The following DDA1 variants were observed in gnomAD, a reference collection of about 807,000 sequenced individuals.
DDA1 encodes the protein DET1- and DDB1-associated protein 1.
A neutral mutation model predicts 18.6 loss-of-function variants in DDA1; 3 were observed. The observed-to-expected ratio is 0.16, with a 90% CI of 0.07 to 0.42. The LOEUF (loss-of-function observed/expected upper bound fraction) is 0.42, where lower values mean the gene tolerates loss of function less well. DDA1 is among the 10% of genes least tolerant of loss of function. The probability of loss-of-function intolerance (pLI) is 0.99; values close to 1 mark genes in which losing one functional copy is unlikely to be tolerated. For synonymous variants in DDA1, 52 were observed against 54.0 expected (o/e 0.96, Z 0.17); for missense variants, 105 against 138.2 (o/e 0.76, Z 1.20).
rs1329037461 is a variant in DDA1 at position 17,315,292 on chromosome 19, A to ACACACACGTG, written c.137-642_137-641insCACACACGTG. Among the ~76,000 whole-genome samples the ACACACACGTG allele has an allele frequency of 1.1e-4, 5 of 43,956 alleles. 1 individual carries two copies. Among genetic ancestry groups the ACACACACGTG allele is most frequent in the African/African-American group, 4.0e-4 (3 of 7,474 alleles). 28.8% of individuals were successfully genotyped at this position (43,956 alleles called of 152,430 possible). A position where few individuals can be genotyped will look rare whatever the true frequency, so the allele number is the denominator to read the frequency against. ...ACACGTGTATATACACACACTATAT[A>ACACACACGTG]TATACACACGTGTATATATATACAC... is the stretch of plus-strand genomic sequence containing the variant. On this transcript the variant is annotated intron_variant, in intron 3 of 4. Transcript: ENST00000359866.
intron 3 of DDA1, among the ~76,000 whole-genome samples, chr19:17,315,174 C>CACACACGTGTATACACACACGTGTAT (rs1568353647): frequency 2.1e-5 from 1 of 47,212 alleles, no homozygotes; most frequent in Admixed American, 1.4e-4. Flanking sequence ...CGTGTATATA[C>CACACACGTGTATACACACACGTGTAT]ACACACGTGT....
At position 17,319,908 on chromosome 19, in the gene DDA1, A is replaced by G; in HGVS notation, c.*252A>G. 1 of 418,336 alleles carries G rather than the reference A, an allele frequency of 2.4e-6. No individual in the cohort carries two copies. The highest frequency in any genetic ancestry group is 4.3e-6 in the Non-Finnish European group (1 of 232,696). The allele number at this position is 418,336 out of a possible 1,614,324, so 25.9% of individuals were successfully genotyped here. A position where few individuals can be genotyped will look rare whatever the true frequency, so the allele number is the denominator to read the frequency against. On this transcript the variant is annotated 3_prime_UTR_variant, in exon 5 of 5. Coordinates refer to ENST00000359866, the MANE Select transcript of DDA1 (RefSeq NM_024050.6). The stretch of plus-strand genomic sequence containing the variant: ...AGTGTGATGTTGGTAGATGCTTTTT[A>G]AAAAAAACAACATTGTCCCCCCGAC...
chr19:17,314,697 G>A lies in DDA1; in HGVS notation c.136+308G>A. 2.4e-6 allele frequency: 1 copy of A among 417,400 alleles called. No individual in the cohort carries two copies. The highest frequency in any genetic ancestry group is 7.2e-4 in the Middle Eastern group (1 of 1,388). 25.9% of individuals were successfully genotyped at this position (417,400 alleles called of 1,614,324 possible). On this transcript the variant is annotated intron_variant, in intron 3 of 4. Transcript: ENST00000359866. This position sits in a 1 kb window ranked among gnomAD's most constrained non-coding sequence, Gnocchi z 4.6. ...TGGGACACACTGGGATCCACAGCCAGCCCAAAGGGGCCCCCAAGTTGTCCC... is the reference window on the plus strand; with the variant it reads ...TGGGACACACTGGGATCCACAGCCAACCCAAAGGGGCCCCCAAGTTGTCCC...
chr19:17,309,915 G>A (rs1337758835), intron 1 of DDA1, among the ~76,000 whole-genome samples: 1 of 151,970 alleles, frequency 6.6e-6, no homozygotes, highest in East Asian at 1.9e-4. Flanking sequence ...TTTCCGGGTT[G>A]CGGCTCCCCC....
In DDA1 at chr19:17,314,126, G is replaced by A; in HGVS notation, c.84+23G>A. On this transcript the variant is annotated intron_variant, in intron 2 of 4. Transcript: ENST00000359866. The surrounding 1 kb of genome is among the most constrained non-coding windows in gnomAD (Gnocchi z 4.6). ...TCGGTGAGTGCGTGTTCCTGGGACT[G>A]GGAGGAATTGGTCACTTCCAGGGGG... 6.2e-7 allele frequency: 1 copy of A among 1,612,100 alleles called. No individual in the cohort carries two copies. The highest frequency in any genetic ancestry group is 8.5e-7 in the Non-Finnish European group (1 of 1,178,402).
At chr19:17,315,171 ATACACACACGTG>A (rs2074198834) in intron 3 of DDA1, among the ~76,000 whole-genome samples, 1 of 63,690 alleles carries the variant, frequency 1.6e-5, no homozygotes, top group Non-Finnish European at 3.0e-5. Flanking sequence ...ACACGTGTAT[ATACACACACGTG>A]TATACACACA....
intron 4 of DDA1, among the ~76,000 whole-genome samples, chr19:17,317,423 G>A (rs1465686274): frequency 2.0e-5 from 3 of 150,978 alleles, no homozygotes; most frequent in Non-Finnish European, 3.0e-5. Context: ...AGGCTGAGGC[G>A]GGAGAATGGT....
At chr19:17,316,167 G>A (rs1030302462) in intron 4 of DDA1, among the ~76,000 whole-genome samples, 172 bp downstream of exon 4, 27 of 152,182 alleles carry the variant, frequency 1.8e-4, no homozygotes, top group African/African-American at 5.6e-4. Flanking sequence ...GGAGGGAACC[G>A]CTGTGCAGAG....
In DDA1 at chr19:17,323,254, T is replaced by C; in HGVS notation, c.*3598T>C. On this transcript the variant is annotated 3_prime_UTR_variant, in exon 5 of 5. Coordinates refer to ENST00000359866, the MANE Select transcript of DDA1 (RefSeq NM_024050.6). ...TGAAATATAGTTTTTATTGCATTTC[T>C]GCCGTTTTACAAAAATATGACAAAA... 4.0e-6 allele frequency: 1 copy of C among 249,862 alleles called. No homozygotes were observed. The highest frequency in any genetic ancestry group is 7.7e-6 in the Non-Finnish European group (1 of 130,418). 15.5% of individuals were successfully genotyped at this position (249,862 alleles called of 1,614,324 possible). A position where few individuals can be genotyped will look rare whatever the true frequency, so the allele number is the denominator to read the frequency against.
At chr19:17,316,975 C>A (rs1043238393) in intron 4 of DDA1, among the ~76,000 whole-genome samples, 3 of 152,022 alleles carry the variant, frequency 2.0e-5, no homozygotes, top group African/African-American at 7.3e-5. Flanking sequence ...ACCTGTAATC[C>A]CCGCGCTTTG....
chr19:17,309,967 C>G (rs918730977), intron 1 of DDA1, among the ~76,000 whole-genome samples: 2 of 152,158 alleles, frequency 1.3e-5, no homozygotes, highest in African/African-American at 4.8e-5. Context: ...GTAAGACCCC[C>G]TGGTCTGGCC....
chr19:17,313,943 C>T, intron 1 of DDA1, 80 bp from the exon 2 acceptor site: 1 of 1,165,196 alleles, frequency 8.6e-7, no homozygotes, highest in Non-Finnish European at 1.3e-6. Context: ...AAGAAGGAAC[C>T]CAGCAGTCAC....
chr19:17,315,769 T>C (rs957206867), intron 3 of DDA1, 165 bp from the exon 4 acceptor site: 4 of 704,272 alleles, frequency 5.7e-6, no homozygotes, highest in Non-Finnish European at 1.0e-5. Context: ...CTCAGGCCTC[T>C]GGGAGTAGCT....
At chr19:17,315,416 G>GTGTT (rs2145675344) in intron 3 of DDA1, among the ~76,000 whole-genome samples, 1 of 63,166 alleles carries the variant, frequency 1.6e-5, no homozygotes, top group South Asian at 4.1e-4. Context: ...ATACGTGTGT[G>GTGTT]TGTGTGTGTG....
At chr19:17,316,545 A>AGT (rs2074213957) in intron 4 of DDA1, among the ~76,000 whole-genome samples, 1 of 150,846 alleles carries the variant, frequency 6.6e-6, no homozygotes, top group African/African-American at 2.4e-5. Flanking sequence ...GCACCACTGC[A>AGT]CTCCAGCCTT....
chr19:17,315,135 A>G lies in DDA1; in HGVS notation c.136+746A>G, dbSNP rs28417092. On this transcript the variant is annotated intron_variant, in intron 3 of 4. Transcript: ENST00000359866. ...TATACACACACGTATATATACACAC[A>G]TATATATACACACACGTATATATAC... Among the ~76,000 whole-genome samples the G allele has an allele frequency of 7.5e-4, 59 of 78,252 alleles. 4 individuals are homozygous for G. The highest frequency in any genetic ancestry group is 4.3e-3 in the East Asian group (11 of 2,582). The allele number at this position is 78,252 out of a possible 152,430, so 51.3% of individuals were successfully genotyped here.
At chr19:17,312,432 A>G (rs562937828) in intron 1 of DDA1, among the ~76,000 whole-genome samples, 34 of 152,138 alleles carry the variant, frequency 2.2e-4, no homozygotes, top group Non-Finnish European at 4.3e-4. Context: ...GTTAGCAGGT[A>G]TTTGCCACAT....
At chr19:17,315,095 A>G (rs1356907106) in intron 3 of DDA1, among the ~76,000 whole-genome samples, 1 of 131,326 alleles carries the variant, frequency 7.6e-6, no homozygotes, top group Non-Finnish European at 1.5e-5. Flanking sequence ...ATATACGTAT[A>G]TATACACACA....
Position 17,309,617 on chromosome 19 carries a change from TGAGGCGGCGGCC to T in DDA1, c.-28_-17del, listed in dbSNP as rs1205033116. ...CGGCTCTGGTGGCGGCGGTGGAGGCTGAGGCGGCGGCCGAGGCGGCGACGGAGGAAACAGAAG... is the reference window on the plus strand; with the variant it reads ...CGGCTCTGGTGGCGGCGGTGGAGGCTGAGGCGGCGACGGAGGAAACAGAAG... On this transcript the variant is annotated 5_prime_UTR_variant, in exon 1 of 5. Transcript: ENST00000359866. The T allele has an allele frequency of 3.1e-6, 5 of 1,610,178 alleles. No individual in the cohort carries two copies. The African/African-American group carries it at 5.4e-5, about 17-fold the overall frequency.
Sources: gnomAD v4.1 joint callset for allele counts (sites outside exome capture counted in the v4.1 genomes callset) on GRCh38, gnomAD v4.1.1 for gene constraint, Gnocchi (gnomAD v3.1) non-coding constraint, MANE v1.5 for transcripts, NCBI Gene and HGNC (gene_info 2026-07-23, HGNC 2026-07-21) for gene names.